The following TENM3 variants were observed in gnomAD, a reference collection of about 807,000 sequenced individuals.
The protein encoded by TENM3 is teneurin-3.
A neutral mutation model predicts 255.1 loss-of-function variants in TENM3; 63 were observed. The observed-to-expected ratio is 0.25, with a 90% CI of 0.20 to 0.30. The LOEUF (loss-of-function observed/expected upper bound fraction) is 0.30, where lower values mean the gene tolerates loss of function less well. TENM3 is among the 10% of genes least tolerant of loss of function. TENM3 has a pLI of 1.00. For synonymous variants in TENM3, 1,306 were observed against 1,322.3 expected (o/e 0.99, Z 0.27); for missense variants, 2,929 against 3,461.1 (o/e 0.85, Z 3.86).
intron 3 of TENM3, among the ~76,000 whole-genome samples, chr4:182,408,182 G>T (rs1769717645): frequency 6.6e-6 from 1 of 152,062 alleles, no homozygotes; most frequent in South Asian, 2.1e-4. Context: ...TTCCTTTTTA[G>T]GTTCTGTTAT....
At chr4:182,675,885 CCTT>C (rs1228716230) in intron 7 of TENM3, among the ~76,000 whole-genome samples, 1 of 152,130 alleles carries the variant, frequency 6.6e-6, no homozygotes, top group Admixed American at 6.5e-5. Flanking sequence ...TTCTCATAAT[CCTT>C]CTAGTATTTA....
At chr4:181,672,379 A>G in the TENM3 span, among the ~76,000 whole-genome samples, 5 of 152,244 alleles carry the variant, frequency 3.3e-5, no homozygotes, top group African/African-American at 1.2e-4. Flanking sequence ...AAAAAGTAGA[A>G]AATTAACATT....
intron 3 of TENM3, among the ~76,000 whole-genome samples, chr4:182,536,249 C>T (rs1378999834): frequency 1.3e-5 from 2 of 152,206 alleles, no homozygotes; most frequent in African/African-American, 4.8e-5. Flanking sequence ...TGGCACTGTC[C>T]AGAGAAAATC....
At chr4:181,867,349 C>T in the TENM3 span, among the ~76,000 whole-genome samples, 2 of 152,146 alleles carry the variant, frequency 1.3e-5, no homozygotes, top group African/African-American at 4.8e-5. Context: ...AATCTTCCTG[C>T]CCCAGGCCCT....
chr4:181,966,115 A>C, the TENM3 span, among the ~76,000 whole-genome samples: 2 of 152,216 alleles, frequency 1.3e-5, no homozygotes, highest in African/African-American at 4.8e-5. Flanking sequence ...TTGCATAGAT[A>C]ACAACAAAGG....
intron 1 of TENM3, among the ~76,000 whole-genome samples, chr4:182,221,568 T>C (rs904041350): frequency 4.6e-5 from 7 of 152,222 alleles, no homozygotes; most frequent in Non-Finnish European, 8.8e-5. Context: ...AATGTAGTCT[T>C]GTATAATTAA....
intron 1 of TENM3, among the ~76,000 whole-genome samples, chr4:182,310,351 A>G (rs1205706668): frequency 6.6e-6 from 1 of 152,136 alleles, no homozygotes; most frequent in Non-Finnish European, 1.5e-5. Context: ...GCGTGCCACC[A>G]TACACAGCTC....
intron 24 of TENM3, among the ~76,000 whole-genome samples, chr4:182,778,710 G>C (rs1348790727): frequency 6.6e-6 from 1 of 152,130 alleles, no homozygotes; most frequent in Non-Finnish European, 1.5e-5. Context: ...AAGTGATGTT[G>C]TGATTAATTA....
At chr4:182,316,712 GTCGATCAGTAC>G (rs1285969384) in intron 1 of TENM3, among the ~76,000 whole-genome samples, 2 of 152,142 alleles carry the variant, frequency 1.3e-5, no homozygotes, top group Admixed American at 1.3e-4. Context: ...ACACACTTGT[GTCGATCAGTAC>G]TCTGTGGAAC....
the TENM3 span, among the ~76,000 whole-genome samples, chr4:181,535,571 C>G: frequency 2.6e-5 from 4 of 152,144 alleles, no homozygotes; most frequent in African/African-American, 9.7e-5. Context: ...TGGCTGCTCC[C>G]CATCTCACTC....
chr4:182,288,612 T>C (rs1415523060), intron 1 of TENM3, among the ~76,000 whole-genome samples: 8 of 152,206 alleles, frequency 5.3e-5, no homozygotes, highest in Non-Finnish European at 1.2e-4. Flanking sequence ...TGGCAGGCAT[T>C]GTGTCAAATG....
At chr4:182,026,338 C>A in the TENM3 span, among the ~76,000 whole-genome samples, 13 of 152,102 alleles carry the variant, frequency 8.5e-5, no homozygotes, top group African/African-American at 3.1e-4. Context: ...GTTGTTTGAG[C>A]TCCTTATATA....
At chr4:181,923,166 A>T in the TENM3 span, among the ~76,000 whole-genome samples, 1 of 152,054 alleles carries the variant, frequency 6.6e-6, no homozygotes, top group African/African-American at 2.4e-5. Flanking sequence ...TATGTGGTCG[A>T]TTTTGGAATA....
the TENM3 span, among the ~76,000 whole-genome samples, chr4:181,729,060 G>A: frequency 1.3e-5 from 2 of 152,018 alleles, no homozygotes; most frequent in Admixed American, 6.6e-5. Flanking sequence ...CAGACATAGA[G>A]GAAGCTTACA....
the TENM3 span, among the ~76,000 whole-genome samples, chr4:182,039,364 C>A: frequency 6.6e-6 from 1 of 152,154 alleles, no homozygotes; most frequent in African/African-American, 2.4e-5. Context: ...CTCCCACTAC[C>A]CCTTGATGTT....
intron 1 of TENM3, among the ~76,000 whole-genome samples, chr4:182,168,563 A>G (rs1751875803): frequency 6.6e-6 from 1 of 152,204 alleles, no homozygotes; most frequent in Admixed American, 6.5e-5. Context: ...TACTTCTATT[A>G]GCTTCTGTTA....
chr4:182,617,937 G>T (rs368759978), intron 4 of TENM3, among the ~76,000 whole-genome samples: 28 of 152,094 alleles, frequency 1.8e-4, no homozygotes, highest in African/African-American at 6.3e-4. Flanking sequence ...ATTTTTCCAG[G>T]TGTCTGTATG....
At chr4:182,190,548 A>G (rs1187757539) in intron 1 of TENM3, among the ~76,000 whole-genome samples, 1 of 152,192 alleles carries the variant, frequency 6.6e-6, no homozygotes, top group East Asian at 1.9e-4. Flanking sequence ...GGAAGCCAGT[A>G]ATCCGTTTAT....
At chr4:182,734,590 A>G (rs749301339) in intron 16 of TENM3, among the ~76,000 whole-genome samples, 2 of 152,196 alleles carry the variant, frequency 1.3e-5, no homozygotes, top group South Asian at 2.1e-4. Flanking sequence ...GAGGGAACAC[A>G]TTAGACAGGG....
Sources: gnomAD v4.1 joint callset for allele counts (sites outside exome capture counted in the v4.1 genomes callset) on GRCh38, gnomAD v4.1.1 for gene constraint, MANE v1.5 for transcripts, NCBI Gene and HGNC (gene_info 2026-07-23, HGNC 2026-07-21) for gene names.